BBS9: variants seen among roughly 807,000 people sequenced by gnomAD.
BBS9 encodes the protein protein PTHB1.
A neutral mutation model predicts 117.7 loss-of-function variants in BBS9; 89 were observed. That is an observed-to-expected ratio of 0.76 (90% CI 0.64 to 0.90). The LOEUF (loss-of-function observed/expected upper bound fraction) is 0.90. Among genes scored for constraint, BBS9 ranks in the 40% least tolerant of loss-of-function variants. The probability of loss-of-function intolerance (pLI) is 0.00; values close to 1 mark genes in which losing one functional copy is unlikely to be tolerated. For synonymous variants in BBS9, 379 were observed against 370.9 expected (o/e 1.02, Z -0.25); for missense variants, 982 against 1,042.2 (o/e 0.94, Z 0.80).
chr7:33,367,833 G>T lies in BBS9; in HGVS notation c.1760G>T (p.Arg587Leu). Residue 587 changes from arginine (R) to leucine (L), a missense_variant, in exon 17 of 23, where the codon CGA becomes CTA. Transcript: ENST00000242067. The part of the protein sequence containing the change: ...VMGFHFLGGA[R>L]ITVLASKTSQ... ...GGTTTTCACTTCTTAGGAGGTGCTC[G>T]AATTACTGTTCTTGCTTCCAAAACT... 1 of 1,613,766 alleles carries T rather than the reference G, an allele frequency of 6.2e-7. No homozygotes were observed. Among genetic ancestry groups the T allele is most frequent in the South Asian group, 1.1e-5 (1 of 91,066 alleles).
chr7:33,206,868 A>G lies in BBS9; in HGVS notation c.442+29277A>G, dbSNP rs1025784835. Among the ~76,000 whole-genome samples, 9 of 152,174 alleles carry G rather than the reference A, an allele frequency of 5.9e-5. 1 individual carries two copies. Among genetic ancestry groups the G allele is most frequent in the African/African-American group, 2.2e-4 (9 of 41,450 alleles). On this transcript the variant is annotated intron_variant, in intron 5 of 22. Coordinates refer to ENST00000242067, the MANE Select transcript of BBS9 (RefSeq NM_198428.3). ...CTAGGGATAGGCATTGCATTAAATTATCATGTCTTTTAGCCTCTTTTAATT... is the reference window on the plus strand; with the variant it reads ...CTAGGGATAGGCATTGCATTAAATTGTCATGTCTTTTAGCCTCTTTTAATT...
At position 33,585,819 on chromosome 7, in the gene BBS9, T is replaced by C. The variant is rs1860791449; in HGVS notation, c.2522-19046T>C. Among the ~76,000 whole-genome samples, 5 of 152,054 alleles carry C rather than the reference T, an allele frequency of 3.3e-5. No homozygotes were observed. The South Asian group carries it at 1.0e-3, about 31-fold the overall frequency. On this transcript the variant is annotated intron_variant, in intron 21 of 22. Coordinates refer to ENST00000242067, the MANE Select transcript of BBS9 (RefSeq NM_198428.3). ...CTGCCTTGTACATTCGTACCTTTTT[T>C]TGAGTTTCTTCAATTTCTGCCTTCT...
intron 21 of BBS9, among the ~76,000 whole-genome samples, chr7:33,549,436 TTAAAC>T (rs1430229286): frequency 1.4e-5 from 2 of 146,446 alleles, no homozygotes; most frequent in East Asian, 2.0e-4. Context: ...TGGGATCTAA[TTAAAC>T]TAAAGAGCTT....
chr7:33,465,552 C>A (rs1276154959), intron 19 of BBS9, among the ~76,000 whole-genome samples: 1 of 152,150 alleles, frequency 6.6e-6, no homozygotes, highest in African/African-American at 2.4e-5. Context: ...CTCTTATTCT[C>A]TCAAAAGTGT....
At chr7:33,497,647 G>A (rs1233997660) in intron 19 of BBS9, among the ~76,000 whole-genome samples, 5 of 152,134 alleles carry the variant, frequency 3.3e-5, no homozygotes, top group Non-Finnish European at 2.9e-5. Context: ...GTCATACCAG[G>A]CAAAGTTGTA....
rs558970184 is a variant in BBS9, at chr7:33,340,804, T to A, written c.1199-93T>A. On this transcript the variant is annotated intron_variant, in intron 10 of 22. Transcript: ENST00000242067. ...CTTGTGAGTATGTTTATGGGGTTTTTTTTATATGTGGTATAGACAAACCTT... is the reference window on the plus strand; with the variant it reads ...CTTGTGAGTATGTTTATGGGGTTTTATTTATATGTGGTATAGACAAACCTT... 5 of 1,048,338 alleles carry A rather than the reference T, an allele frequency of 4.8e-6. No homozygotes were observed. The South Asian group carries it at 7.5e-5, about 16-fold the overall frequency. The allele number at this position is 1,048,338 out of a possible 1,614,324, so 64.9% of individuals were successfully genotyped here.
At chr7:33,208,238 A>G (rs1050901838) in intron 5 of BBS9, among the ~76,000 whole-genome samples, 1 of 152,348 alleles carries the variant, frequency 6.6e-6, no homozygotes, top group Middle Eastern at 3.4e-3. Context: ...CTGGCTCTCA[A>G]CATCAAGCCA....
At chr7:33,211,102 G>A (rs376573591) in intron 5 of BBS9, among the ~76,000 whole-genome samples, 1 of 152,048 alleles carries the variant, frequency 6.6e-6, no homozygotes, top group African/African-American at 2.4e-5. Flanking sequence ...ACAGATCATC[G>A]TGTCTTGTTT....
intron 9 of BBS9, among the ~76,000 whole-genome samples, chr7:33,335,001 C>T (rs1438518249): frequency 6.6e-6 from 1 of 152,136 alleles, no homozygotes; most frequent in African/African-American, 2.4e-5. Flanking sequence ...ATGCTGGTGA[C>T]CATCTTATGG....
intron 5 of BBS9, among the ~76,000 whole-genome samples, chr7:33,251,475 A>T (rs1311397539): frequency 6.6e-6 from 1 of 152,128 alleles, no homozygotes; most frequent in East Asian, 1.9e-4. Context: ...GGAGAGGGGA[A>T]TGGATAACTA....
chr7:33,491,539 C>T lies in BBS9; in HGVS notation c.2116-13924C>T, dbSNP rs1008987044. 2.5e-4 allele frequency among the ~76,000 whole-genome samples: 38 copies of T among 152,172 alleles called. 2 individuals carry two copies. Among genetic ancestry groups the T allele is most frequent in the Non-Finnish European group, 1.5e-5 (1 of 68,032 alleles). ...AGGATGTACCAAATGGGATTTAATT[C>T]AGTTCAATTGAACAAATATTTGTTG... On this transcript the variant is annotated intron_variant, in intron 19 of 22. Coordinates refer to ENST00000242067, the MANE Select transcript of BBS9 (RefSeq NM_198428.3).
At chr7:33,262,174 G>T (rs1798077511) in intron 6 of BBS9, among the ~76,000 whole-genome samples, 2 of 152,130 alleles carry the variant, frequency 1.3e-5, no homozygotes, top group South Asian at 4.1e-4. Context: ...AAGAGAAATG[G>T]TTTGGATTTG....
At chr7:33,193,925 C>T (rs1185904126) in intron 5 of BBS9, among the ~76,000 whole-genome samples, 2 of 152,122 alleles carry the variant, frequency 1.3e-5, no homozygotes, top group Non-Finnish European at 2.9e-5. Context: ...TGTTTCCATT[C>T]GCCACCCCCT....
chr7:33,442,081 A>AG (rs1836287501), intron 19 of BBS9, among the ~76,000 whole-genome samples: 1 of 152,060 alleles, frequency 6.6e-6, no homozygotes, highest in South Asian at 2.1e-4. Flanking sequence ...TAGTAGAGAC[A>AG]GGGTTTCACC....
chr7:33,627,693 C>T (rs1865706957), intron 21 of BBS9, among the ~76,000 whole-genome samples: 2 of 152,176 alleles, frequency 1.3e-5, no homozygotes, highest in South Asian at 2.1e-4. Flanking sequence ...GATATTATAC[C>T]ACAAAGCCGA....
chr7:33,617,043 TC>T (rs1375020156), intron 21 of BBS9, among the ~76,000 whole-genome samples: 8 of 152,088 alleles, frequency 5.3e-5, no homozygotes, highest in Non-Finnish European at 8.8e-5. Context: ...ATGACTTCAT[TC>T]TTTTTTTTTA....
chr7:33,444,029 C>G (rs756759866), intron 19 of BBS9, among the ~76,000 whole-genome samples: 8 of 152,188 alleles, frequency 5.3e-5, no homozygotes, highest in Non-Finnish European at 1.0e-4. Flanking sequence ...GATAATTGCT[C>G]TCCTCTTCTT....
intron 21 of BBS9, among the ~76,000 whole-genome samples, chr7:33,620,868 A>T (rs1028250381): frequency 6.6e-6 from 1 of 152,190 alleles, no homozygotes; most frequent in Non-Finnish European, 1.5e-5. Flanking sequence ...TCAAAACAGC[A>T]TTGTACTGCA....
chr7:33,357,793 A>C, intron 15 of BBS9, 62 bp from the exon 16 acceptor site: 1 of 1,544,934 alleles, frequency 6.5e-7, no homozygotes, highest in South Asian at 1.1e-5. Flanking sequence ...TTAGTAGTAC[A>C]ATTTTTTTTT....
Sources: allele counts gnomAD v4.1 joint callset (sites outside exome capture counted in the v4.1 genomes callset), GRCh38; gene constraint gnomAD v4.1.1; transcripts MANE v1.5; gene names NCBI Gene and HGNC (gene_info 2026-07-23, HGNC 2026-07-21).